Variants in SMC1B observed in about 807,000 individuals in gnomAD.
The protein encoded by SMC1B is structural maintenance of chromosomes protein 1B.
Under a neutral mutation model 157.9 loss-of-function variants are expected in SMC1B, and 60 were observed. The ratio of observed to expected loss-of-function variants is 0.38; its 90% CI spans 0.31 to 0.47. The LOEUF (loss-of-function observed/expected upper bound fraction) is 0.47. SMC1B is among the 20% of genes least tolerant of loss of function. SMC1B has a pLI of 0.99. For missense variants in SMC1B, 1,165 were observed against 1,426.2 expected (o/e 0.82, Z 2.95); for synonymous variants, 445 against 483.0 (o/e 0.92, Z 1.03).
At chr22:45,355,813 T>C (rs2086664445) in intron 19 of SMC1B, among the ~76,000 whole-genome samples, 2 of 152,222 alleles carry the variant, frequency 1.3e-5, no homozygotes, top group African/African-American at 4.8e-5. Context: ...CTCATGCCTG[T>C]AATCCCAGCA....
Position 45,352,539 on chromosome 22 carries a change from C to A in SMC1B, c.3337G>T (p.Ala1113Ser), listed in dbSNP as rs1419200726. 1.9e-6 allele frequency: 3 copies of A among 1,613,946 alleles called. No individual in the cohort carries two copies. In the Admixed American group the frequency reaches 5.0e-5, roughly 27 times the overall value. The change falls in exon 22 of 25, where the codon GCC (alanine) becomes TCC (serine). Residue 1113 changes from alanine (A) to serine (S), a missense_variant. By Grantham distance (99) the Ala-to-Ser change is moderately conservative. Coordinates refer to ENST00000357450, the MANE Select transcript of SMC1B (RefSeq NM_148674.5). The part of the protein sequence containing the change: ...YLEGISYNCV[A>S]PGKRFMPMDN... ...ATTGGCATAAACCGTTTGCCTGGGG[C>A]CACACAGTTATAGCTAATTCCCTCC...
Position 45,389,757 on chromosome 22 carries a change from C to T in SMC1B, c.1686G>A (p.Glu562=). The change falls in exon 10 of 25, where the codon GAG becomes GAA. Residue 562 remains glutamate (E), a synonymous_variant. Coordinates refer to ENST00000357450, the MANE Select transcript of SMC1B (RefSeq NM_148674.5). ...VAKDCIRFLK[E]ERAEPETFLA... ...GGAATGTCTCAGGTTCAGCTCTTTCCTCCTTCAGAAATCGAATACAATCTT... is the reference window on the plus strand; with the variant it reads ...GGAATGTCTCAGGTTCAGCTCTTTCTTCCTTCAGAAATCGAATACAATCTT... 1 of 1,614,084 alleles carries T rather than the reference C, an allele frequency of 6.2e-7. No homozygotes were observed. Among genetic ancestry groups the T allele is most frequent in the Non-Finnish European group, 8.5e-7 (1 of 1,179,996 alleles).
At chr22:45,353,914 A>AAC (rs2086641633) in intron 21 of SMC1B, 64 bp downstream of exon 21, 5 of 786,256 alleles carry the variant, frequency 6.4e-6, no homozygotes, top group African/African-American at 1.6e-5. Flanking sequence ...AAAAAAAAAA[A>AAC]AAAAAACAAC....
At position 45,408,944 on chromosome 22, in the gene SMC1B, A is replaced by C. The variant is rs16993979; in HGVS notation, c.110-46T>G. ...AACATTATTCATTCTTAATGATAAA[A>C]AGCCCTACCCAGAGCTGAAGAAATC... is the stretch of plus-strand genomic sequence containing the variant. On this transcript the variant is annotated intron_variant, in intron 1 of 24. Coordinates refer to ENST00000357450, the MANE Select transcript of SMC1B (RefSeq NM_148674.5). 5.0e-3 allele frequency: 6,152 copies of C among 1,240,858 alleles called. 107 individuals carry two copies. Among genetic ancestry groups the C allele is most frequent in the East Asian group, 0.044 (1,733 of 39,556 alleles). The allele number at this position is 1,240,858 out of a possible 1,614,324, so 76.9% of individuals were successfully genotyped here.
chr22:45,371,247 G>T (rs2086827873), intron 14 of SMC1B, among the ~76,000 whole-genome samples: 2 of 152,202 alleles, frequency 1.3e-5, no homozygotes, highest in African/African-American at 4.8e-5. Flanking sequence ...GAGTGCAGAG[G>T]AGAGTAGGCA....
At chr22:45,351,758 C>A (rs976226226) in intron 22 of SMC1B, among the ~76,000 whole-genome samples, 14 of 152,118 alleles carry the variant, frequency 9.2e-5, no homozygotes, top group African/African-American at 3.1e-4. Flanking sequence ...CTATGTTGCC[C>A]AGGTTCAGCA....
intron 8 of SMC1B, 58 bp downstream of exon 8, chr22:45,394,627 A>T: frequency 7.3e-7 from 1 of 1,373,974 alleles, no homozygotes; most frequent in Non-Finnish European, 9.6e-7. Context: ...TGGGAGTGAG[A>T]CCCTCTCTCA....
intron 5 of SMC1B, 58 bp from the exon 6 acceptor site, chr22:45,399,411 G>A: frequency 6.8e-7 from 1 of 1,468,756 alleles, no homozygotes; most frequent in South Asian, 1.3e-5. Flanking sequence ...TATATAAAGG[G>A]AAGAAGTTGT....
chr22:45,402,878 G>A (rs1303627164), intron 4 of SMC1B, among the ~76,000 whole-genome samples: 1 of 152,060 alleles, frequency 6.6e-6, no homozygotes, highest in Non-Finnish European at 1.5e-5. Context: ...CAGTATTTCT[G>A]GCATCAGCTT....
At position 45,393,709 on chromosome 22, in the gene SMC1B, A is replaced by G. The variant is rs2087088493; in HGVS notation, c.1470T>C (p.Asp490=). The G allele has an allele frequency of 1.2e-6, 2 of 1,614,106 alleles. No homozygotes were observed. The highest frequency in any genetic ancestry group is 2.7e-5 in the African/African-American group (2 of 75,030). ...TTTGCTGACGTTTTCCCTCATGGGTATCAATCCCAGCATTCTGCAATTCAC... is the reference window on the plus strand; with the variant it reads ...TTTGCTGACGTTTTCCCTCATGGGTGTCAATCCCAGCATTCTGCAATTCAC... ...IRSELQNAGI[D]THEGKRQQKR... Residue 490 remains aspartate (D), a synonymous_variant, in exon 9 of 25, where the codon GAT becomes GAC. Coordinates refer to ENST00000357450, the MANE Select transcript of SMC1B (RefSeq NM_148674.5).
chr22:45,353,261 C>CA (rs11311805), intron 21 of SMC1B, among the ~76,000 whole-genome samples: 1,448 of 102,540 alleles, frequency 0.014, 22 homozygotes, highest in African/African-American at 0.044. Context: ...AACTCTGTCT[C>CA]AAAAAAAAAA....
intron 1 of SMC1B, among the ~76,000 whole-genome samples, chr22:45,411,965 G>C (rs1439949231): frequency 6.6e-6 from 1 of 151,934 alleles, no homozygotes; most frequent in Non-Finnish European, 1.5e-5. Flanking sequence ...TGCAACCTCC[G>C]CCTCCCGGGT....
At chr22:45,400,435 C>T (rs2087179029) in intron 5 of SMC1B, among the ~76,000 whole-genome samples, 2 of 152,058 alleles carry the variant, frequency 1.3e-5, no homozygotes. Context: ...ACAATCTAAG[C>T]AACAAAATCA....
intron 12 of SMC1B, among the ~76,000 whole-genome samples, chr22:45,383,133 C>CAA (rs5845706): frequency 0.027 from 3,918 of 143,328 alleles, 166 homozygotes; most frequent in African/African-American, 0.09. Context: ...AACTCTGTCT[C>CAA]AAAAAAAAAA....
chr22:45,370,169 C>T (rs2086817462), intron 14 of SMC1B, 109 bp from the exon 15 acceptor site: 1 of 574,114 alleles, frequency 1.7e-6, no homozygotes, highest in African/African-American at 2.0e-5. Context: ...AAAAACTAAT[C>T]CCACCAAGCA....
chr22:45,372,297 A>C lies in SMC1B; in HGVS notation c.2059-5T>G, dbSNP rs2086841118. On this transcript the variant is annotated splice_region_variant and splice_polypyrimidine_tract_variant and intron_variant, in intron 12 of 24. Transcript: ENST00000357450. ...GCGGAGTGTCTTCATTAAACCCTAA[A>C]AGGAAAGAAAAACATGAGAATATTT... The C allele has an allele frequency of 4.5e-6, 7 of 1,571,602 alleles. No individual in the cohort carries two copies. Among genetic ancestry groups the C allele is most frequent in the Admixed American group, 2.1e-5 (1 of 48,746 alleles).
intron 19 of SMC1B, among the ~76,000 whole-genome samples, chr22:45,356,238 C>G (rs2086668903): frequency 6.6e-6 from 1 of 152,144 alleles, no homozygotes; most frequent in Non-Finnish European, 1.5e-5. Context: ...TGTACTTAGA[C>G]TTAGAGGCAG....
chr22:45,402,190 T>C (rs1386242984), intron 5 of SMC1B, 143 bp downstream of exon 5: 1 of 669,918 alleles, frequency 1.5e-6, no homozygotes, highest in Non-Finnish European at 2.5e-6. Context: ...GCCTATACTA[T>C]CTTTATAATT....
chr22:45,405,255 C>T (rs771475067), intron 4 of SMC1B, among the ~76,000 whole-genome samples: 1 of 152,080 alleles, frequency 6.6e-6, no homozygotes, highest in South Asian at 2.1e-4. Flanking sequence ...AAGGCTAGTA[C>T]GCCTTATAAG....
Sources: allele counts gnomAD v4.1 joint callset (sites outside exome capture counted in the v4.1 genomes callset), GRCh38; gene constraint gnomAD v4.1.1; transcripts MANE v1.5; gene names NCBI Gene and HGNC (gene_info 2026-07-23, HGNC 2026-07-21).